The following FRMD4A variants were observed in gnomAD, a reference collection of about 807,000 sequenced individuals.
FRMD4A encodes the protein FERM domain containing 4A, also known as FERM domain-containing protein 4A.
FRMD4A carries 29 observed loss-of-function variants against 129.1 expected under a neutral mutation model. The ratio of observed to expected loss-of-function variants is 0.22; its 90% CI spans 0.17 to 0.31. The LOEUF is 0.31. FRMD4A is among the 10% of genes least tolerant of loss of function. The pLI is 1.00. For missense variants in FRMD4A, 1,272 were observed against 1,375.8 expected, an observed-to-expected ratio of 0.92 and a Z score of 1.19; for synonymous variants, 634 against 571.6, an observed-to-expected ratio of 1.11 and a Z score of -1.56.
chr10:13,750,121 A>G (rs1261833143), intron 8 of FRMD4A, among the ~76,000 whole-genome samples: 53 of 131,506 alleles, frequency 4.0e-4, no homozygotes, highest in Admixed American at 8.0e-4. Context: ...AGAAAGAAAG[A>G]AAGAAAGAAA....
At chr10:14,181,340 A>G (rs1326530938) in intron 2 of FRMD4A, among the ~76,000 whole-genome samples, 1 of 151,914 alleles carries the variant, frequency 6.6e-6, no homozygotes, top group Non-Finnish European at 1.5e-5. Context: ...GTCAAGAGGG[A>G]GAAGAAAACC....
intron 2 of FRMD4A, among the ~76,000 whole-genome samples, chr10:14,295,685 G>A (rs1845985799): frequency 6.6e-6 from 1 of 152,216 alleles, no homozygotes; most frequent in South Asian, 2.1e-4. Flanking sequence ...CACATGGGCT[G>A]TGGGTGGCTG....
chr10:13,736,278 A>C (rs2090626215), intron 12 of FRMD4A, among the ~76,000 whole-genome samples: 1 of 152,254 alleles, frequency 6.6e-6, no homozygotes, highest in Non-Finnish European at 1.5e-5. Context: ...AAAAAGGCAC[A>C]GGGAAAACAG....
chr10:14,190,683 T>C (rs1842289615), intron 2 of FRMD4A, among the ~76,000 whole-genome samples: 1 of 152,298 alleles, frequency 6.6e-6, no homozygotes, highest in East Asian at 1.9e-4. Context: ...CCGGCATCTG[T>C]CAACACTGGA....
chr10:13,917,344 G>A (rs1043365328), intron 2 of FRMD4A, among the ~76,000 whole-genome samples: 10 of 148,654 alleles, frequency 6.7e-5, no homozygotes, highest in Non-Finnish European at 8.9e-5. Context: ...GTACAGTGGC[G>A]CAATCTTGGC....
rs1184071271 is a variant in FRMD4A, at chr10:13,689,481, CAG to C, written c.1117+4415_1117+4416del. ...AATTTGGGAAAAAAAGTACTGGAGA[CAG>C]ATCCTATGGGAGGTATCAGCAAGGC... On this transcript the variant is annotated intron_variant, in intron 15 of 24. Transcript: ENST00000357447. 2.0e-5 allele frequency among the ~76,000 whole-genome samples: 3 copies of C among 150,584 alleles called. No homozygotes were observed. The East Asian group carries it at 5.8e-4, about 29-fold the overall frequency.
chr10:14,144,159 G>T (rs1183077131), intron 2 of FRMD4A, among the ~76,000 whole-genome samples: 1 of 152,188 alleles, frequency 6.6e-6, no homozygotes, highest in African/African-American at 2.4e-5. Flanking sequence ...CTCCCCACCT[G>T]TGGGTTGACC....
At chr10:13,742,162 C>G (rs1418700722) in intron 9 of FRMD4A, among the ~76,000 whole-genome samples, 1 of 152,092 alleles carries the variant, frequency 6.6e-6, no homozygotes, top group Non-Finnish European at 1.5e-5. Context: ...AGCTGAAATC[C>G]TAGTTCTAAT....
At chr10:13,678,994 C>T (rs927800861) in intron 15 of FRMD4A, among the ~76,000 whole-genome samples, 23 of 152,080 alleles carry the variant, frequency 1.5e-4, no homozygotes, top group Admixed American at 1.2e-3. Flanking sequence ...ATAGGACACT[C>T]GAACACATTC....
intron 2 of FRMD4A, among the ~76,000 whole-genome samples, chr10:14,141,554 C>A (rs1465773059): frequency 1.4e-5 from 2 of 146,438 alleles, no homozygotes; most frequent in African/African-American, 2.6e-5. Flanking sequence ...TCACATTGCT[C>A]CACCTTCTGC....
intron 2 of FRMD4A, among the ~76,000 whole-genome samples, chr10:13,944,023 T>C (rs940815009): frequency 3.3e-5 from 5 of 151,866 alleles, no homozygotes; most frequent in Non-Finnish European, 4.4e-5. Context: ...AATTAAAGAG[T>C]TGGACAAACC....
At position 13,766,325 on chromosome 10, in the gene FRMD4A, G is replaced by T. The variant is rs371174852; in HGVS notation, c.385-3645C>A. Among the ~76,000 whole-genome samples the T allele has an allele frequency of 8.5e-5, 13 of 152,300 alleles. No homozygotes were observed. In the East Asian group the frequency reaches 2.1e-3, roughly 25 times the overall value. ...TAAGTGAGAACTGGCACCTTTAACT[G>T]TGGTGACTTTTCGGGTGAAAAGCCT... On this transcript the variant is annotated intron_variant, in intron 6 of 24. Coordinates refer to ENST00000357447, the MANE Select transcript of FRMD4A (RefSeq NM_018027.5).
At position 14,110,125 on chromosome 10, in the gene FRMD4A, T is replaced by TTAAAAAAAAAAAAAAAAAAAAAAAAAAAA. The variant is rs372420987; in HGVS notation, c.45+219932_45+219933insTTTTTTTTTTTTTTTTTTTTTTTTTTTTA. ...GGCTGGGCAACAAAGCGAGATGCTGTAAAAAAAAAAAAAAAAAAAAAAGCT... is the reference window on the plus strand; with the variant it reads ...GGCTGGGCAACAAAGCGAGATGCTGTTAAAAAAAAAAAAAAAAAAAAAAAAAAAAAAAAAAAAAAAAAAAAAAAAAAGCT... On this transcript the variant is annotated intron_variant, in intron 2 of 24. Coordinates refer to ENST00000357447, the MANE Select transcript of FRMD4A (RefSeq NM_018027.5). Among the ~76,000 whole-genome samples, 8 of 89,520 alleles carry TTAAAAAAAAAAAAAAAAAAAAAAAAAAAA rather than the reference T, an allele frequency of 8.9e-5. 1 individual carries two copies. The highest frequency in any genetic ancestry group is 3.7e-4 in the African/African-American group (8 of 21,496). 58.7% of individuals were successfully genotyped at this position (89,520 alleles called of 152,430 possible).
chr10:13,903,101 G>A (rs995000208), intron 2 of FRMD4A, among the ~76,000 whole-genome samples: 1 of 152,044 alleles, frequency 6.6e-6, no homozygotes, highest in South Asian at 2.1e-4. Flanking sequence ...CCATCTGCTT[G>A]GAAGGCCCTC....
chr10:13,891,970 G>GCGCCACCGCCGC (rs1554960399), intron 2 of FRMD4A, among the ~76,000 whole-genome samples: 1 of 149,222 alleles, frequency 6.7e-6, no homozygotes, highest in East Asian at 2.0e-4. Flanking sequence ...CGGCCACCGC[G>GCGCCACCGCCGC]CGCCACCGCC....
intron 18 of FRMD4A, among the ~76,000 whole-genome samples, chr10:13,665,490 G>A (rs913207019): frequency 2.0e-4 from 31 of 152,206 alleles, no homozygotes; most frequent in African/African-American, 7.0e-4. Flanking sequence ...ACAGTTTAGG[G>A]GACTTGATGC....
At chr10:13,927,821 TG>T (rs956422856) in intron 2 of FRMD4A, among the ~76,000 whole-genome samples, 56 of 152,292 alleles carry the variant, frequency 3.7e-4, no homozygotes, top group African/African-American at 1.3e-3. Flanking sequence ...TCAAGAAACT[TG>T]AGTTCATTTG....
intron 13 of FRMD4A, among the ~76,000 whole-genome samples, chr10:13,701,896 C>T (rs1185604375): frequency 6.6e-6 from 1 of 152,164 alleles, no homozygotes; most frequent in Non-Finnish European, 1.5e-5. Context: ...TTTCTAATCA[C>T]CACAGGCTAC....
At position 13,713,817 on chromosome 10, in the gene FRMD4A, ATAATATATATACATATATG is replaced by A. The variant is rs2088303821; in HGVS notation, c.760-6723_760-6705del. 6.0e-5 allele frequency among the ~76,000 whole-genome samples: 6 copies of A among 100,238 alleles called. 2 individuals carry two copies. The highest frequency in any genetic ancestry group is 2.9e-4 in the Admixed American group (2 of 6,802). The allele number at this position is 100,238 out of a possible 152,430, so 65.8% of individuals were successfully genotyped here. ...ATATGTAATATATATACACATATAT[ATAATATATATACATATATG>A]TAATATATATACACATATATATAAT... On this transcript the variant is annotated intron_variant, in intron 12 of 24. Transcript: ENST00000357447.
Sources: gnomAD v4.1 joint callset for allele counts (sites outside exome capture counted in the v4.1 genomes callset) on GRCh38, gnomAD v4.1.1 for gene constraint, MANE v1.5 for transcripts, NCBI Gene and HGNC (gene_info 2026-07-23, HGNC 2026-07-21) for gene names.